CDIN1: variants seen among roughly 807,000 people sequenced by gnomAD.
CDIN1 encodes the protein CDAN1-interacting nuclease 1.
In CDIN1, 33 loss-of-function variants were observed where a neutral mutation model predicts 45.3. That is an observed-to-expected ratio of 0.73 (90% CI 0.55 to 0.97). The LOEUF (loss-of-function observed/expected upper bound fraction) is 0.97. Ranked by LOEUF, CDIN1 falls within the 50% of genes least tolerant of loss-of-function variation. CDIN1 has a pLI of 0.00. For missense variants in CDIN1, 303 were observed against 339.4 expected (o/e 0.89, Z 0.84); for synonymous variants, 118 against 124.4 (o/e 0.95, Z 0.34).
intron 1 of CDIN1, chr15:36,618,938 G>A (rs1208108816): frequency 2.0e-5 from 31 of 1,546,400 alleles, no homozygotes; most frequent in East Asian, 4.5e-5. Context: ...CAGGAACCCT[G>A]AAAGTTAAGT....
intron 1 of CDIN1, among the ~76,000 whole-genome samples, chr15:36,590,164 A>G (rs2037507838): frequency 6.6e-6 from 1 of 152,148 alleles, no homozygotes; most frequent in African/African-American, 2.4e-5. Flanking sequence ...GACAGCAAGT[A>G]AAAGTTTGTT....
At chr15:36,703,219 A>AATAT (rs71126233) in intron 8 of CDIN1, among the ~76,000 whole-genome samples, 19,948 of 57,552 alleles carry the variant, frequency 0.35, 6,681 homozygotes, top group East Asian at 0.77. Context: ...CCCTGTCTCA[A>AATAT]ATATATATAT....
At chr15:36,685,750 G>A (rs1162347220) in intron 5 of CDIN1, among the ~76,000 whole-genome samples, 1 of 152,038 alleles carries the variant, frequency 6.6e-6, no homozygotes, top group Non-Finnish European at 1.5e-5. Context: ...GTGGGCAAAG[G>A]ATATGAACAG....
chr15:36,607,653 T>G (rs2038441371), intron 1 of CDIN1, among the ~76,000 whole-genome samples: 1 of 152,118 alleles, frequency 6.6e-6, no homozygotes, highest in Non-Finnish European at 1.5e-5. Context: ...AGTTTAAAAT[T>G]AAGTGTATTG....
intron 8 of CDIN1, among the ~76,000 whole-genome samples, chr15:36,699,425 A>T (rs2042553011): frequency 6.6e-6 from 1 of 152,164 alleles, no homozygotes; most frequent in South Asian, 2.1e-4. Flanking sequence ...CACTAATCTT[A>T]GTCTTTCTTG....
intron 5 of CDIN1, among the ~76,000 whole-genome samples, chr15:36,661,845 T>G (rs2041028502): frequency 6.6e-6 from 1 of 152,180 alleles, no homozygotes; most frequent in Non-Finnish European, 1.5e-5. Context: ...TATAGAAAAC[T>G]GTTAATGAAA....
At chr15:36,668,940 T>G (rs949221315) in intron 5 of CDIN1, 1 of 152,142 alleles carries the variant, frequency 6.6e-6, no homozygotes, top group Non-Finnish European at 1.5e-5. Flanking sequence ...TCATGATTTT[T>G]ATAGTAATAG....
rs558393371 is a variant in CDIN1, at chr15:36,772,344, C to T, written c.717-35980C>T. Reference sequence around the variant, plus strand: ...TTGGATATATGAATACATTTGATTGCATGGTGCTGCTTTGTTCCCCACTCT... The same window carrying T: ...TTGGATATATGAATACATTTGATTGTATGGTGCTGCTTTGTTCCCCACTCT... On this transcript the variant is annotated intron_variant, in intron 10 of 10. Transcript: ENST00000566621. 1.8e-4 allele frequency among the ~76,000 whole-genome samples: 28 copies of T among 152,282 alleles called. No homozygotes were observed. In the South Asian group the frequency reaches 5.8e-3, roughly 32 times the overall value.
chr15:36,648,889 A>C (rs1441110895), intron 3 of CDIN1: 1 of 152,076 alleles, frequency 6.6e-6, no homozygotes, highest in Non-Finnish European at 1.5e-5. Flanking sequence ...CTGTCTAGAA[A>C]TGTTTTGCTG....
Position 36,604,372 on chromosome 15 carries a change from A to C in CDIN1, c.101+24411A>C, listed in dbSNP as rs186885146. The stretch of plus-strand genomic sequence containing the variant: ...ACCATGTAGACCCAACAGCAAACCC[A>C]AAAAAATTATCAATTCCATAATGTT... On this transcript the variant is annotated intron_variant, in intron 1 of 10. Coordinates refer to ENST00000566621, the MANE Select transcript of CDIN1 (RefSeq NM_001321759.2). Among the ~76,000 whole-genome samples, 1,279 of 150,230 alleles carry C rather than the reference A, an allele frequency of 8.5e-3. 16 individuals carry two copies. Among genetic ancestry groups the C allele is most frequent in the African/African-American group, 0.03 (1,217 of 40,968 alleles).
At chr15:36,665,129 C>A (rs943376158) in intron 5 of CDIN1, among the ~76,000 whole-genome samples, 4 of 152,116 alleles carry the variant, frequency 2.6e-5, no homozygotes, top group Non-Finnish European at 5.9e-5. Context: ...TTTGGTTAGG[C>A]ATTTTCTTGT....
At chr15:36,765,545 TG>T (rs2053899268) in intron 10 of CDIN1, among the ~76,000 whole-genome samples, 1 of 152,202 alleles carries the variant, frequency 6.6e-6, no homozygotes, top group African/African-American at 2.4e-5. Flanking sequence ...CTTCTAACTC[TG>T]GGGCCAATGT....
intron 1 of CDIN1, among the ~76,000 whole-genome samples, chr15:36,603,878 T>A (rs2038228259): frequency 6.6e-6 from 1 of 152,240 alleles, no homozygotes; most frequent in Admixed American, 6.5e-5. Context: ...ATTTGTGAGA[T>A]ATTAATAGAT....
intron 1 of CDIN1, chr15:36,626,668 T>C: frequency 2.5e-6 from 1 of 394,038 alleles, no homozygotes; most frequent in Non-Finnish European, 5.1e-6. Context: ...TGCAGAGATC[T>C]GGAAATCATG....
intron 7 of CDIN1, among the ~76,000 whole-genome samples, chr15:36,694,553 A>G (rs981093510): frequency 6.6e-6 from 1 of 151,408 alleles, no homozygotes; most frequent in African/African-American, 2.4e-5. Context: ...CAAAGAGTAT[A>G]TACATCATCA....
At chr15:36,724,797 C>A (rs1255422676) in intron 10 of CDIN1, among the ~76,000 whole-genome samples, 1 of 152,100 alleles carries the variant, frequency 6.6e-6, no homozygotes, top group Non-Finnish European at 1.5e-5. Context: ...TCATCTCTTG[C>A]ATTTGAACAT....
intron 10 of CDIN1, among the ~76,000 whole-genome samples, chr15:36,734,998 T>C (rs2043965924): frequency 6.6e-6 from 1 of 152,200 alleles, no homozygotes; most frequent in Non-Finnish European, 1.5e-5. Flanking sequence ...CCACTAAAAA[T>C]GTCTGCTCTA....
At chr15:36,592,057 T>C (rs78406387) in intron 1 of CDIN1, among the ~76,000 whole-genome samples, 3,471 of 151,624 alleles carry the variant, frequency 0.023, 62 homozygotes, top group South Asian at 0.049. Flanking sequence ...TTCTACTCTT[T>C]AGAAAGCAGC....
intron 4 of CDIN1, 123 bp downstream of exon 4, chr15:36,654,281 T>G: frequency 3.0e-6 from 2 of 670,302 alleles, no homozygotes; most frequent in Non-Finnish European, 5.1e-6. Context: ...CATTAGACAT[T>G]TAAATTGCTC....
Sources: gnomAD v4.1 joint callset for allele counts (sites outside exome capture counted in the v4.1 genomes callset) on GRCh38, gnomAD v4.1.1 for gene constraint, MANE v1.5 for transcripts, NCBI Gene and HGNC (gene_info 2026-07-23, HGNC 2026-07-21) for gene names.